The following AGBL4 variants were observed in gnomAD, a reference collection of about 807,000 sequenced individuals.
AGBL4 encodes AGBL carboxypeptidase 4, also known as cytosolic carboxypeptidase 6.
AGBL4 carries 58 observed loss-of-function variants against 66.4 expected under a neutral mutation model. That is an observed-to-expected ratio of 0.87 (90% CI 0.71 to 1.09). AGBL4 has a LOEUF of 1.09. Ranked by LOEUF, AGBL4 falls within the 50% of genes least tolerant of loss-of-function variation. The pLI is 0.00. For missense variants in AGBL4, 579 were observed against 631.0 expected, an observed-to-expected ratio of 0.92 and a Z score of 0.88; for synonymous variants, 234 against 222.9, an observed-to-expected ratio of 1.05 and a Z score of -0.44.
intron 4 of AGBL4, among the ~76,000 whole-genome samples, chr1:49,055,023 A>G (rs1051802392): frequency 2.6e-5 from 4 of 152,040 alleles, no homozygotes; most frequent in Admixed American, 6.6e-5. Context: ...TGTCTTTACA[A>G]AAGCAAGAAA....
intron 3 of AGBL4, among the ~76,000 whole-genome samples, chr1:49,386,068 C>T (rs1024342835): frequency 1.3e-5 from 2 of 151,946 alleles, no homozygotes; most frequent in Admixed American, 1.3e-4. Context: ...TCTTACAATC[C>T]TACTGACATT....
chr1:49,271,902 A>G (rs369748585), intron 3 of AGBL4, among the ~76,000 whole-genome samples: 14 of 152,106 alleles, frequency 9.2e-5, no homozygotes, highest in East Asian at 7.7e-4. Flanking sequence ...ATAATACATT[A>G]TTTCATCTCT....
chr1:49,153,310 C>T (rs571570539), intron 4 of AGBL4, among the ~76,000 whole-genome samples: 1 of 152,186 alleles, frequency 6.6e-6, no homozygotes, highest in Admixed American at 6.6e-5. Context: ...AGGTAAGGTT[C>T]TGCTTGAAAT....
At chr1:49,901,064 C>T (rs2148189561) in intron 1 of AGBL4, among the ~76,000 whole-genome samples, 1 of 152,184 alleles carries the variant, frequency 6.6e-6, no homozygotes, top group Admixed American at 6.5e-5. Flanking sequence ...AGTCAAAGGA[C>T]CCATGTTTGA....
chr1:49,297,912 C>CT (rs1336735388), intron 3 of AGBL4, among the ~76,000 whole-genome samples: 1 of 152,154 alleles, frequency 6.6e-6, no homozygotes, highest in Non-Finnish European at 1.5e-5. Flanking sequence ...CATGAGATTC[C>CT]TTTCACCTCC....
chr1:48,948,756 C>T (rs1334169254), intron 5 of AGBL4, among the ~76,000 whole-genome samples: 1 of 152,130 alleles, frequency 6.6e-6, no homozygotes, highest in Admixed American at 6.5e-5. Flanking sequence ...AATGAAAATT[C>T]TTTGACACTT....
chr1:49,918,529 A>G (rs1352069488), intron 1 of AGBL4, among the ~76,000 whole-genome samples: 1 of 152,178 alleles, frequency 6.6e-6, no homozygotes, highest in Non-Finnish European at 1.5e-5. Context: ...TCCCAAGACT[A>G]AACCAGGAAG....
chr1:48,674,077 G>A (rs1471136414), intron 6 of AGBL4, among the ~76,000 whole-genome samples: 2 of 152,100 alleles, frequency 1.3e-5, no homozygotes, highest in African/African-American at 4.8e-5. Flanking sequence ...TCCCACGCTC[G>A]CCTCTTACTG....
intron 4 of AGBL4, among the ~76,000 whole-genome samples, chr1:49,231,011 T>C (rs1169861293): frequency 6.6e-6 from 1 of 152,208 alleles, no homozygotes; most frequent in Non-Finnish European, 1.5e-5. Context: ...GGTCTGGTAA[T>C]AAAAGCAGAC....
At position 48,727,768 on chromosome 1, in the gene AGBL4, C is replaced by T. The variant is rs537712188; in HGVS notation, c.635-64527G>A. The stretch of plus-strand genomic sequence containing the variant: ...AGAACAAGCCGCTGACCCCAGAACC[C>T]GATGGATCCCTGCACACACACCACC... On this transcript the variant is annotated intron_variant, in intron 6 of 13. Transcript: ENST00000371839. 48 of 983,672 alleles carry T rather than the reference C, an allele frequency of 4.9e-5. No individual in the cohort carries two copies. In the Admixed American group the frequency reaches 6.2e-4, roughly 13 times the overall value. 60.9% of individuals were successfully genotyped at this position (983,672 alleles called of 1,614,324 possible).
chr1:48,988,543 T>A (rs1543562), intron 5 of AGBL4, among the ~76,000 whole-genome samples: 5 of 151,926 alleles, frequency 3.3e-5, no homozygotes, highest in African/African-American at 1.2e-4. Flanking sequence ...CAACTTTCTC[T>A]TAAGACAGCA....
At chr1:49,060,065 A>G (rs1428438022) in intron 4 of AGBL4, among the ~76,000 whole-genome samples, 1 of 152,042 alleles carries the variant, frequency 6.6e-6, no homozygotes, top group Non-Finnish European at 1.5e-5. Flanking sequence ...GAAATGTGAG[A>G]ATTTGAGATT....
chr1:49,182,761 T>C (rs1646951888), intron 4 of AGBL4, among the ~76,000 whole-genome samples: 1 of 152,150 alleles, frequency 6.6e-6, no homozygotes, highest in South Asian at 2.1e-4. Flanking sequence ...CTGCCTTATA[T>C]CAGGCACTGT....
intron 9 of AGBL4, among the ~76,000 whole-genome samples, chr1:48,600,091 T>G (rs79907326): frequency 0.063 from 9,621 of 151,994 alleles, 350 homozygotes; most frequent in African/African-American, 0.1. Flanking sequence ...GAAAAAAAAT[T>G]AAGAAGGAGG....
At chr1:49,706,963 A>G (rs1163883345) in intron 2 of AGBL4, among the ~76,000 whole-genome samples, 1 of 152,178 alleles carries the variant, frequency 6.6e-6, no homozygotes, top group African/African-American at 2.4e-5. Context: ...TTTACTTCCA[A>G]TTAAGTGGGC....
chr1:49,731,901 TG>T (rs1431962667), intron 2 of AGBL4, among the ~76,000 whole-genome samples: 3 of 152,178 alleles, frequency 2.0e-5, no homozygotes, highest in Non-Finnish European at 4.4e-5. Flanking sequence ...GATTTGAATT[TG>T]AAAACTACTT....
At chr1:48,922,285 A>ATGAGC (rs1179575333) in intron 5 of AGBL4, among the ~76,000 whole-genome samples, 2 of 152,224 alleles carry the variant, frequency 1.3e-5, no homozygotes, top group African/African-American at 4.8e-5. Context: ...AAGGCAAAAT[A>ATGAGC]TGAGCTAAGC....
At chr1:49,043,322 G>A (rs940754162) in intron 5 of AGBL4, among the ~76,000 whole-genome samples, 2 of 152,098 alleles carry the variant, frequency 1.3e-5, no homozygotes, top group Non-Finnish European at 2.9e-5. Context: ...CTCCTAGAAG[G>A]AGATCAGATG....
At chr1:49,948,690 T>A (rs986079405) in intron 1 of AGBL4, among the ~76,000 whole-genome samples, 1 of 149,248 alleles carries the variant, frequency 6.7e-6, no homozygotes, top group Non-Finnish European at 1.5e-5. Context: ...AAATCATAGA[T>A]GACACAAACA....
Sources: allele counts gnomAD v4.1 joint callset (sites outside exome capture counted in the v4.1 genomes callset), GRCh38; gene constraint gnomAD v4.1.1; transcripts MANE v1.5; gene names NCBI Gene and HGNC (gene_info 2026-07-23, HGNC 2026-07-21).